The following PLEKHA8 variants were observed in gnomAD, a reference collection of about 807,000 sequenced individuals.
PLEKHA8 encodes pleckstrin homology domain-containing family A member 8.
In PLEKHA8, 36 loss-of-function variants were observed where a neutral mutation model predicts 68.2. That is an observed-to-expected ratio of 0.53 (90% CI 0.40 to 0.70). PLEKHA8 has a LOEUF of 0.70. Ranked by LOEUF, PLEKHA8 falls within the 30% of genes least tolerant of loss-of-function variation. The probability of loss-of-function intolerance (pLI) is 0.00; values close to 1 mark genes in which losing one functional copy is unlikely to be tolerated. For synonymous variants in PLEKHA8, 211 were observed against 216.1 expected (o/e 0.98, Z 0.20); for missense variants, 505 against 615.4 (o/e 0.82, Z 1.90).
intron 1 of PLEKHA8, among the ~76,000 whole-genome samples, chr7:30,035,292 A>G (rs917818274): frequency 1.3e-5 from 2 of 152,190 alleles, no homozygotes; most frequent in African/African-American, 4.8e-5. Flanking sequence ...TTTGTTAAGA[A>G]TATGTAATGG....
intron 13 of PLEKHA8, among the ~76,000 whole-genome samples, chr7:30,128,091 A>ATTTTTTTTTTTTTTTTTT (rs35173428): frequency 3.3e-5 from 4 of 122,686 alleles, no homozygotes; most frequent in South Asian, 2.6e-4. Flanking sequence ...GTTTTACTGT[A>ATTTTTTTTTTTTTTTTTT]TTTTTTTTTT....
chr7:30,050,017 C>T (rs1241610719), intron 5 of PLEKHA8, among the ~76,000 whole-genome samples: 1 of 152,104 alleles, frequency 6.6e-6, no homozygotes, highest in Non-Finnish European at 1.5e-5. Context: ...TATTTATATT[C>T]CTTGTTTTGT....
In PLEKHA8 at chr7:30,049,372, A is replaced by T; in HGVS notation, c.587A>T (p.Lys196Met). The change falls in exon 5 of 14, where the codon AAG becomes ATG. Residue 196 changes from lysine (K) to methionine (M), a missense_variant. By Grantham distance (95) the Lys-to-Met change is moderately conservative. Transcript: ENST00000449726. ...PPGSPQLAML[K>M]SSKMKHPIIP... is the part of the protein sequence containing the mutation. ...GGATCACCTCAGCTGGCCATGCTCA[A>T]GTCCAGCAAGGTAAAAGTCCAGCTC... 1.2e-6 allele frequency: 2 copies of T among 1,613,820 alleles called. No homozygotes were observed. The highest frequency in any genetic ancestry group is 2.2e-5 in the East Asian group (1 of 44,884).
intron 13 of PLEKHA8, among the ~76,000 whole-genome samples, chr7:30,110,681 C>A (rs1484144629): frequency 6.6e-6 from 1 of 152,154 alleles, no homozygotes; most frequent in Non-Finnish European, 1.5e-5. Flanking sequence ...CCCATCAACG[C>A]TTGTTATCAT....
chr7:30,091,958 G>A (rs867442951), downstream of PLEKHA8, among the ~76,000 whole-genome samples: 2 of 152,166 alleles, frequency 1.3e-5, no homozygotes, highest in South Asian at 2.1e-4. Flanking sequence ...TTCCACACAC[G>A]TTTGTTTTAA....
intron 8 of PLEKHA8, 30 bp from the exon 9 acceptor site, chr7:30,055,226 CT>C: frequency 1.3e-6 from 2 of 1,585,696 alleles, no homozygotes; most frequent in Non-Finnish European, 1.7e-6. Context: ...TATTTTCAAT[CT>C]TTTCTCCTCC....
chr7:30,073,990 A>C, intron 12 of PLEKHA8, 81 bp from the exon 13 acceptor site: 1 of 1,082,554 alleles, frequency 9.2e-7, no homozygotes, highest in Non-Finnish European at 1.3e-6. Context: ...TGTCTCTTTA[A>C]AAAAAAAAAA....
At chr7:30,090,444 A>G in exon 13 of PLEKHA8, 1 of 354,992 alleles carries the variant, frequency 2.8e-6, no homozygotes, top group Non-Finnish European at 5.2e-6. Flanking sequence ...GTGCCTTCTT[A>G]AGGAAACCAT....
chr7:30,117,815 A>G (rs573243341), intron 13 of PLEKHA8, among the ~76,000 whole-genome samples: 236 of 152,290 alleles, frequency 1.5e-3, no homozygotes, highest in African/African-American at 5.4e-3. Flanking sequence ...CACTAAAAAA[A>G]TGAAGGCACA....
At chr7:30,051,418 G>A (rs1009826768) in intron 6 of PLEKHA8, among the ~76,000 whole-genome samples, 31 of 150,910 alleles carry the variant, frequency 2.1e-4, no homozygotes, top group African/African-American at 6.8e-4. Context: ...TAAGAAAATA[G>A]CAAATACTTT....
At chr7:30,068,729 A>C (rs1794036959) in intron 12 of PLEKHA8, among the ~76,000 whole-genome samples, 1 of 152,076 alleles carries the variant, frequency 6.6e-6, no homozygotes, top group Non-Finnish European at 1.5e-5. Flanking sequence ...CAGAAGTTTC[A>C]GTTTTTATGT....
intron 13 of PLEKHA8, among the ~76,000 whole-genome samples, chr7:30,109,609 AAAAAGAG>A (rs1562554287): frequency 9.1e-6 from 1 of 110,194 alleles, no homozygotes; most frequent in Non-Finnish European, 2.0e-5. Flanking sequence ...AAAAAAAAAA[AAAAAGAG>A]AGAGAGATTA....
chr7:30,050,516 T>A lies in PLEKHA8; in HGVS notation c.638+42T>A, dbSNP rs768167645. The A allele has an allele frequency of 4.6e-6, 7 of 1,506,532 alleles. No individual in the cohort carries two copies. The Admixed American group carries it at 1.2e-4, about 26-fold the overall frequency. The allele number at this position is 1,506,532 out of a possible 1,614,324, so 93.3% of individuals were successfully genotyped here. A position where few individuals can be genotyped will look rare whatever the true frequency, so the allele number is the denominator to read the frequency against. On this transcript the variant is annotated intron_variant, in intron 6 of 13. Transcript: ENST00000449726. ...CTTCTTGCTAAAAATTAAAAAAAAATAAGGATATTGTTATTCCTTGTTTAA... is the reference window on the plus strand; with the variant it reads ...CTTCTTGCTAAAAATTAAAAAAAAAAAAGGATATTGTTATTCCTTGTTTAA...
chr7:30,108,066 T>TCAAAAAAAAAAAAAAAAAA (rs1246120872), intron 13 of PLEKHA8, among the ~76,000 whole-genome samples: 1 of 21,802 alleles, frequency 4.6e-5, no homozygotes, highest in African/African-American at 2.3e-4. Flanking sequence ...AAACTCCATC[T>TCAAAAAAAAAAAAAAAAAA]CAAAAAAAAA....
intron 13 of PLEKHA8, among the ~76,000 whole-genome samples, chr7:30,127,543 G>A (rs1006237169): frequency 2.6e-5 from 4 of 152,156 alleles, no homozygotes; most frequent in Admixed American, 1.3e-4. Context: ...TTATGATCAC[G>A]AAAGGAAAGC....
chr7:30,087,461 C>T (rs577032923), downstream of PLEKHA8, among the ~76,000 whole-genome samples: 5 of 152,328 alleles, frequency 3.3e-5, no homozygotes, highest in East Asian at 3.9e-4. Flanking sequence ...ACCTGAAACC[C>T]CAAAGCCAAA....
intron 9 of PLEKHA8, among the ~76,000 whole-genome samples, chr7:30,056,312 C>CTCTCTCTG (rs796845171): frequency 1.1e-5 from 1 of 94,544 alleles, no homozygotes; most frequent in Admixed American, 1.2e-4. Flanking sequence ...CTCTCTCTCT[C>CTCTCTCTG]TATATATATA....
chr7:30,127,112 A>C (rs1796785132), intron 13 of PLEKHA8, among the ~76,000 whole-genome samples: 1 of 152,244 alleles, frequency 6.6e-6, no homozygotes, highest in Admixed American at 6.5e-5. Context: ...TAATTGGATG[A>C]ATCAGTTGTA....
intron 13 of PLEKHA8, among the ~76,000 whole-genome samples, chr7:30,098,254 G>A (rs1476154905): frequency 6.6e-6 from 1 of 152,254 alleles, no homozygotes; most frequent in Non-Finnish European, 1.5e-5. Context: ...GTGCCTCCCA[G>A]TTAGGCTACT....
Sources: allele counts gnomAD v4.1 joint callset (sites outside exome capture counted in the v4.1 genomes callset), GRCh38; gene constraint gnomAD v4.1.1; transcripts MANE v1.5; gene names NCBI Gene and HGNC (gene_info 2026-07-23, HGNC 2026-07-21).